Variants in SMURF2 observed in about 807,000 individuals in gnomAD.
The protein encoded by SMURF2 is E3 ubiquitin-protein ligase SMURF2.
Under a neutral mutation model 109.6 loss-of-function variants are expected in SMURF2, and 48 were observed. That is an observed-to-expected ratio of 0.44 (90% CI 0.35 to 0.56). The LOEUF is 0.56. Ranked by LOEUF, SMURF2 falls within the 20% of genes least tolerant of loss-of-function variation. SMURF2 has a pLI of 0.01. For synonymous variants in SMURF2, 288 were observed against 317.1 expected (o/e 0.91, Z 0.97); for missense variants, 575 against 909.0 (o/e 0.63, Z 4.72).
chr17:64,614,112 C>T (rs1402153753), intron 1 of SMURF2, among the ~76,000 whole-genome samples: 2 of 152,160 alleles, frequency 1.3e-5, no homozygotes, highest in African/African-American at 4.8e-5. Context: ...GTTGTAAATA[C>T]AGATGATGCT....
chr17:64,638,056 CTTTTTCTTTTTTTTTTTTT>C, intron 1 of SMURF2, among the ~76,000 whole-genome samples: 1 of 129,012 alleles, frequency 7.8e-6, no homozygotes, highest in East Asian at 2.1e-4. Flanking sequence ...TTTTTTTTTC[CTTTTTCTTTTTTTTTTTTT>C]TTTTTTTGAC....
At chr17:64,573,142 AGGAGGAGGAGG>A (rs1969425673) in intron 9 of SMURF2, 2 of 36,876 alleles carry the variant, frequency 5.4e-5, no homozygotes, top group African/African-American at 3.1e-4. Context: ...GAGGAGGAGG[AGGAGGAGGAGG>A]AGGAGGAGGG....
chr17:64,603,250 A>C (rs1969922205), intron 2 of SMURF2, among the ~76,000 whole-genome samples: 1 of 152,146 alleles, frequency 6.6e-6, no homozygotes, highest in Non-Finnish European at 1.5e-5. Context: ...ACAAATCTAA[A>C]TGAAAACATT....
intron 1 of SMURF2, among the ~76,000 whole-genome samples, chr17:64,627,091 T>G (rs1246628452): frequency 1.3e-5 from 2 of 150,458 alleles, no homozygotes; most frequent in Non-Finnish European, 3.0e-5. Context: ...AATGTTGTTT[T>G]AAGCCACTAA....
intron 10 of SMURF2, among the ~76,000 whole-genome samples, chr17:64,567,221 C>T (rs1969326888): frequency 6.6e-6 from 1 of 152,104 alleles, no homozygotes; most frequent in Admixed American, 6.6e-5. Context: ...CAAATTAATA[C>T]TAAAATACAA....
chr17:64,660,075 T>C (rs996318520), intron 1 of SMURF2, among the ~76,000 whole-genome samples: 4 of 152,200 alleles, frequency 2.6e-5, no homozygotes, highest in African/African-American at 9.7e-5. Context: ...ACTTTAATTA[T>C]AAATTCTTAT....
In SMURF2 at chr17:64,658,506, A is replaced by T. The variant is rs1246688529; in HGVS notation, c.52+3323T>A. 3.3e-5 allele frequency among the ~76,000 whole-genome samples: 5 copies of T among 152,232 alleles called. No individual in the cohort carries two copies. The East Asian group carries it at 9.6e-4, about 29-fold the overall frequency. On this transcript the variant is annotated intron_variant, in intron 1 of 18. Transcript: ENST00000262435. ...TCTAAAGGGAAATTTTTAAAGTTAAACTTCCTTACATTATAGACAAGGTTA... is the reference window on the plus strand; with the variant it reads ...TCTAAAGGGAAATTTTTAAAGTTAATCTTCCTTACATTATAGACAAGGTTA...
intron 1 of SMURF2, among the ~76,000 whole-genome samples, chr17:64,638,886 T>C (rs530369827): frequency 2.6e-5 from 4 of 152,314 alleles, no homozygotes; most frequent in South Asian, 4.1e-4. Flanking sequence ...CATGTAAACA[T>C]ATCCTGCTAA....
In SMURF2 at chr17:64,557,711, T is replaced by C. The variant is rs782201745; in HGVS notation, c.1328A>G (p.Tyr443Cys). ...DYGGVAREWLYLLSHEMLNPY... is the reference protein window; with the variant it reads ...DYGGVAREWLCLLSHEMLNPY... ...ATTCAACATTTCATGTGACAAGAGA[T>C]ACAACCATTCCCTAGAAAACAAGAT... is the stretch of plus-strand genomic sequence containing the variant. The change falls in exon 13 of 19, where the codon TAT becomes TGT. Residue 443 changes from tyrosine (Y) to cysteine (C), a missense_variant. Transcript: ENST00000262435. The C allele has an allele frequency of 6.2e-7, 1 of 1,602,960 alleles. No individual in the cohort carries two copies. The highest frequency in any genetic ancestry group is 8.5e-7 in the Non-Finnish European group (1 of 1,172,354).
chr17:64,573,661 T>C (rs1402362731), intron 9 of SMURF2, among the ~76,000 whole-genome samples: 2 of 152,052 alleles, frequency 1.3e-5, no homozygotes, highest in African/African-American at 2.4e-5. Flanking sequence ...GAGTGGCAGG[T>C]AGGCAGAAGG....
intron 12 of SMURF2, among the ~76,000 whole-genome samples, chr17:64,558,280 T>A (rs1969153764): frequency 6.6e-6 from 1 of 151,902 alleles, no homozygotes; most frequent in African/African-American, 2.4e-5. Context: ...GTGCCTATAG[T>A]CCCAGCTACT....
intron 2 of SMURF2, among the ~76,000 whole-genome samples, chr17:64,601,206 T>G (rs1376656909): frequency 6.6e-6 from 1 of 151,982 alleles, no homozygotes; most frequent in Non-Finnish European, 1.5e-5. Flanking sequence ...CAGTGAGCCA[T>G]GATCATGCCA....
intron 2 of SMURF2, among the ~76,000 whole-genome samples, chr17:64,605,692 G>A (rs1318364523): frequency 6.8e-6 from 1 of 147,922 alleles, no homozygotes; most frequent in African/African-American, 2.5e-5. Flanking sequence ...AGCTATGACT[G>A]TGCCACTCTA....
At chr17:64,656,762 G>C (rs1217140774) in intron 1 of SMURF2, among the ~76,000 whole-genome samples, 8 of 152,096 alleles carry the variant, frequency 5.3e-5, no homozygotes, top group Non-Finnish European at 1.2e-4. Flanking sequence ...AAAAAAATCT[G>C]AACGATGGTT....
chr17:64,566,561 G>GTTTTTTTTTTTTTTT lies in SMURF2; in HGVS notation c.1017-3610_1017-3596dup, dbSNP rs1164717270. Among the ~76,000 whole-genome samples, 306 of 43,788 alleles carry GTTTTTTTTTTTTTTT rather than the reference G, an allele frequency of 7.0e-3. 88 individuals are homozygous for GTTTTTTTTTTTTTTT. The highest frequency in any genetic ancestry group is 0.016 in the East Asian group (18 of 1,118). The allele number at this position is 43,788 out of a possible 152,430, so 28.7% of individuals were successfully genotyped here. ...GATGTAGAAATGCTTAAGCTTTCTG[G>GTTTTTTTTTTTTTTT]TTTTTTTTTTTTTTTTTTTTTTTTT... On this transcript the variant is annotated intron_variant, in intron 10 of 18. Transcript: ENST00000262435.
Position 64,606,588 on chromosome 17 carries a change from G to C in SMURF2, c.91+14C>G, listed in dbSNP as rs1555689071. 1 of 1,514,242 alleles carries C rather than the reference G, an allele frequency of 6.6e-7. No individual in the cohort carries two copies. Among genetic ancestry groups the C allele is most frequent in the African/African-American group, 1.4e-5 (1 of 71,486 alleles). 93.8% of individuals were successfully genotyped at this position (1,514,242 alleles called of 1,614,324 possible). A position where few individuals can be genotyped will look rare whatever the true frequency, so the allele number is the denominator to read the frequency against. ...CTACATACAATACACAAGATTTAAA[G>C]TTAATTTACTTACGGAAAAAATCCT... On this transcript the variant is annotated intron_variant, in intron 2 of 18. Transcript: ENST00000262435.
chr17:64,609,647 T>TAA (rs534745395), intron 1 of SMURF2, among the ~76,000 whole-genome samples: 1,400 of 129,324 alleles, frequency 0.011, 16 homozygotes, highest in African/African-American at 0.054. Flanking sequence ...GACTTAAACG[T>TAA]AAGACTTAAA....
intron 1 of SMURF2, among the ~76,000 whole-genome samples, chr17:64,621,177 C>T (rs1385109439): frequency 6.6e-6 from 1 of 152,214 alleles, no homozygotes; most frequent in Non-Finnish European, 1.5e-5. Context: ...CACTCAAATA[C>T]CTGATGATCT....
intron 10 of SMURF2, among the ~76,000 whole-genome samples, chr17:64,566,637 T>C (rs374594971): frequency 9.3e-5 from 12 of 128,582 alleles, no homozygotes; most frequent in African/African-American, 3.5e-4. Flanking sequence ...AGTGGCGCAA[T>C]CTCCGCTCAC....
Sources: allele counts gnomAD v4.1 joint callset (sites outside exome capture counted in the v4.1 genomes callset), GRCh38; gene constraint gnomAD v4.1.1; transcripts MANE v1.5; gene names NCBI Gene and HGNC (gene_info 2026-07-23, HGNC 2026-07-21).